The following NEGR1 variants were observed in gnomAD, a reference collection of about 807,000 sequenced individuals.
The protein encoded by NEGR1 is IgLON family member 4.
Under a neutral mutation model 40.9 loss-of-function variants are expected in NEGR1, and 10 were observed. That is an observed-to-expected ratio of 0.24 (90% CI 0.15 to 0.42). The LOEUF (loss-of-function observed/expected upper bound fraction) is 0.42, where lower values mean the gene tolerates loss of function less well. NEGR1 is among the 10% of genes least tolerant of loss of function. The probability of loss-of-function intolerance (pLI) is 1.00; values close to 1 mark genes in which losing one functional copy is unlikely to be tolerated. For synonymous variants in NEGR1, 185 were observed against 166.8 expected (o/e 1.11, Z -0.84); for missense variants, 352 against 438.9 (o/e 0.80, Z 1.77).
At chr1:71,556,368 G>T (rs11807398) in intron 6 of NEGR1, among the ~76,000 whole-genome samples, 1 of 151,508 alleles carries the variant, frequency 6.6e-6, no homozygotes, top group African/African-American at 2.4e-5. Flanking sequence ...TTGCTGAAGA[G>T]AGAGGTACAC....
intron 1 of NEGR1, among the ~76,000 whole-genome samples, chr1:72,189,439 T>A (rs74088180): frequency 2.0e-5 from 3 of 151,560 alleles, no homozygotes; most frequent in Non-Finnish European, 4.4e-5. Flanking sequence ...TGTCAAATGT[T>A]TGAAAACATC....
intron 6 of NEGR1, among the ~76,000 whole-genome samples, chr1:71,410,719 T>C (rs1646314045): frequency 6.6e-6 from 1 of 152,132 alleles, no homozygotes; most frequent in African/African-American, 2.4e-5. Context: ...CTGGCATTTA[T>C]TATGTGTGGT....
chr1:72,182,645 C>T (rs947131694), intron 1 of NEGR1, among the ~76,000 whole-genome samples: 1 of 151,760 alleles, frequency 6.6e-6, no homozygotes, highest in African/African-American at 2.4e-5. Flanking sequence ...AGTTCTTAAA[C>T]CTGGCTTTAT....
intron 2 of NEGR1, among the ~76,000 whole-genome samples, chr1:71,790,886 A>T (rs902286438): frequency 6.6e-6 from 1 of 152,074 alleles, no homozygotes; most frequent in East Asian, 1.9e-4. Flanking sequence ...CCTGGCTATT[A>T]GCAACTGAAA....
intron 6 of NEGR1, among the ~76,000 whole-genome samples, chr1:71,473,004 A>G (rs1646792401): frequency 6.6e-6 from 1 of 152,054 alleles, no homozygotes; most frequent in Non-Finnish European, 1.5e-5. Context: ...TGATAAAATA[A>G]TTTTAAAAAT....
intron 2 of NEGR1, among the ~76,000 whole-genome samples, chr1:71,934,311 A>G (rs776491243): frequency 6.6e-6 from 1 of 152,128 alleles, no homozygotes; most frequent in Non-Finnish European, 1.5e-5. Context: ...ATGCTCTTAC[A>G]TTTTAATATG....
intron 1 of NEGR1, among the ~76,000 whole-genome samples, chr1:72,006,196 C>T (rs1646605100): frequency 6.6e-6 from 1 of 152,048 alleles, no homozygotes; most frequent in South Asian, 2.1e-4. Context: ...TTCTATTTTC[C>T]TAATGCACTT....
intron 4 of NEGR1, among the ~76,000 whole-genome samples, chr1:71,640,190 A>C (rs1401211486): frequency 1.3e-5 from 2 of 152,022 alleles, no homozygotes; most frequent in Non-Finnish European, 2.9e-5. Flanking sequence ...TGTGAAATGC[A>C]TTCAACTTGG....
chr1:71,704,163 T>TCACA (rs3077140), intron 3 of NEGR1, among the ~76,000 whole-genome samples: 5,550 of 142,130 alleles, frequency 0.039, 123 homozygotes, highest in African/African-American at 0.064. Flanking sequence ...TCTCTCTCTG[T>TCACA]CACACACACA....
intron 4 of NEGR1, among the ~76,000 whole-genome samples, chr1:71,647,240 A>G (rs965100405): frequency 2.0e-5 from 3 of 151,742 alleles, no homozygotes; most frequent in South Asian, 2.1e-4. Flanking sequence ...TTGAGAACCA[A>G]CTGGGTCCCC....
intron 1 of NEGR1, among the ~76,000 whole-genome samples, chr1:72,045,779 T>A (rs554613285): frequency 2.6e-5 from 4 of 151,572 alleles, no homozygotes; most frequent in Non-Finnish European, 4.4e-5. Context: ...TCAAATTCAA[T>A]ATGAAAAATG....
intron 4 of NEGR1, among the ~76,000 whole-genome samples, chr1:71,639,948 G>T (rs1651292030): frequency 6.6e-6 from 1 of 151,964 alleles, no homozygotes; most frequent in African/African-American, 2.4e-5. Flanking sequence ...TATACTTTTT[G>T]CAAACAAATA....
At chr1:71,489,306 C>G (rs2101382493) in intron 6 of NEGR1, among the ~76,000 whole-genome samples, 1 of 151,932 alleles carries the variant, frequency 6.6e-6, no homozygotes, top group African/African-American at 2.4e-5. Context: ...GTGGCCCAAA[C>G]AGTTTCAGGC....
chr1:71,629,710 C>T (rs564856682), intron 4 of NEGR1, among the ~76,000 whole-genome samples: 2 of 151,984 alleles, frequency 1.3e-5, no homozygotes, highest in Admixed American at 6.6e-5. Flanking sequence ...GTGTAGAAAA[C>T]CCAGTCATCT....
At chr1:72,017,397 A>G (rs1207007364) in intron 1 of NEGR1, among the ~76,000 whole-genome samples, 1 of 152,140 alleles carries the variant, frequency 6.6e-6, no homozygotes, top group African/African-American at 2.4e-5. Context: ...CTCTATTATA[A>G]AGTAAACTTC....
At chr1:71,626,100 T>A (rs1650765349) in intron 4 of NEGR1, among the ~76,000 whole-genome samples, 1 of 151,866 alleles carries the variant, frequency 6.6e-6, no homozygotes, top group South Asian at 2.1e-4. Context: ...AACCCCTCAG[T>A]CCATAGAAAA....
At chr1:71,848,801 T>C (rs578129884) in intron 2 of NEGR1, among the ~76,000 whole-genome samples, 1 of 152,174 alleles carries the variant, frequency 6.6e-6, no homozygotes, top group Non-Finnish European at 1.5e-5. Flanking sequence ...AGAAATATAT[T>C]TCATGGCCAG....
chr1:71,826,102 C>T (rs985467696), intron 2 of NEGR1, among the ~76,000 whole-genome samples: 6 of 151,874 alleles, frequency 4.0e-5, no homozygotes, highest in Non-Finnish European at 8.8e-5. Flanking sequence ...CTCTGGTTTC[C>T]TCCCACAGTT....
intron 1 of NEGR1, among the ~76,000 whole-genome samples, chr1:72,197,644 A>G (rs1033874176): frequency 9.9e-5 from 15 of 151,988 alleles, no homozygotes; most frequent in Admixed American, 4.6e-4. Context: ...TATATTTCCA[A>G]ATGCTGAAAC....
Sources: gnomAD v4.1 joint callset for allele counts (sites outside exome capture counted in the v4.1 genomes callset) on GRCh38, gnomAD v4.1.1 for gene constraint, MANE v1.5 for transcripts, NCBI Gene and HGNC (gene_info 2026-07-23, HGNC 2026-07-21) for gene names.